Variants in ENTREP2 observed in about 807,000 individuals in gnomAD.
ENTREP2 encodes endosomal transmembrane epsin interactor 2, also known as protein ENTREP2.
the ENTREP2 span, among the ~76,000 whole-genome samples, chr15:29,482,442 A>T: frequency 6.6e-6 from 1 of 152,162 alleles, no homozygotes; most frequent in Non-Finnish European, 1.5e-5. Flanking sequence ...ACGTGTATCC[A>T]CCATTGTAGT....
the ENTREP2 span, among the ~76,000 whole-genome samples, chr15:29,370,882 A>G: frequency 3.3e-5 from 5 of 152,168 alleles, no homozygotes; most frequent in Non-Finnish European, 4.4e-5. Context: ...ATCATGGAAG[A>G]GTGTCTGGAA....
the ENTREP2 span, among the ~76,000 whole-genome samples, chr15:29,647,899 A>C: frequency 0.045 from 6,897 of 152,274 alleles, 185 homozygotes; most frequent in South Asian, 0.065. Flanking sequence ...CACTCTACCC[A>C]AAAATTGGAC....
At chr15:29,629,915 G>A in the ENTREP2 span, among the ~76,000 whole-genome samples, 4 of 152,052 alleles carry the variant, frequency 2.6e-5, no homozygotes, top group East Asian at 1.9e-4. Flanking sequence ...CCAGGAATTC[G>A]AGACCAGCCT....
chr15:29,488,559 C>G, the ENTREP2 span, among the ~76,000 whole-genome samples: 2 of 152,176 alleles, frequency 1.3e-5, no homozygotes, highest in African/African-American at 2.4e-5. Flanking sequence ...TCTACACACA[C>G]AAGAAGTTCA....
chr15:29,400,511 C>G, the ENTREP2 span, among the ~76,000 whole-genome samples: 2 of 152,098 alleles, frequency 1.3e-5, no homozygotes, highest in Non-Finnish European at 2.9e-5. Flanking sequence ...AAAAGAAAAT[C>G]TACGCAATAA....
chr15:29,224,370 C>T, the ENTREP2 span, among the ~76,000 whole-genome samples: 1 of 152,126 alleles, frequency 6.6e-6, no homozygotes, highest in African/African-American at 2.4e-5. Context: ...AACAAAGCTT[C>T]CACACTTGTG....
chr15:29,584,443 A>ATGTG, the ENTREP2 span, among the ~76,000 whole-genome samples: 1,461 of 138,798 alleles, frequency 0.011, 18 homozygotes, highest in African/African-American at 0.027. Flanking sequence ...GTGTGTGTGC[A>ATGTG]TGTGTGTGTG....
the ENTREP2 span, among the ~76,000 whole-genome samples, chr15:29,433,994 ATTTG>A: frequency 1.3e-5 from 2 of 152,004 alleles, no homozygotes; most frequent in African/African-American, 2.4e-5. Context: ...TACATTGTCA[ATTTG>A]TTTGTCTGTC....
chr15:29,301,183 G>C, the ENTREP2 span, among the ~76,000 whole-genome samples: 1 of 152,046 alleles, frequency 6.6e-6, no homozygotes, highest in Non-Finnish European at 1.5e-5. Flanking sequence ...ATTTAAAACA[G>C]TTTTTCTTTA....
chr15:29,257,908 G>A, the ENTREP2 span, among the ~76,000 whole-genome samples: 1 of 152,186 alleles, frequency 6.6e-6, no homozygotes, highest in Non-Finnish European at 1.5e-5. Flanking sequence ...GGAAAGTTAG[G>A]TCACATAGAA....
the ENTREP2 span, among the ~76,000 whole-genome samples, chr15:29,237,510 G>A: frequency 1.3e-5 from 2 of 152,154 alleles, no homozygotes; most frequent in Non-Finnish European, 2.9e-5. Context: ...AAGGGATGAG[G>A]TTTAGGTTGA....
At chr15:29,653,841 C>G in the ENTREP2 span, among the ~76,000 whole-genome samples, 1 of 151,554 alleles carries the variant, frequency 6.6e-6, no homozygotes, top group Non-Finnish European at 1.5e-5. Flanking sequence ...AGAGAGCTTA[C>G]GCTTACCAGG....
chr15:29,385,135 C>A, the ENTREP2 span, among the ~76,000 whole-genome samples: 8 of 152,162 alleles, frequency 5.3e-5, no homozygotes, highest in African/African-American at 1.9e-4. Flanking sequence ...AACGCCTTGA[C>A]CTCTTCTCAG....
the ENTREP2 span, among the ~76,000 whole-genome samples, chr15:29,546,544 C>T: frequency 2.2e-4 from 33 of 152,040 alleles, no homozygotes; most frequent in Non-Finnish European, 3.7e-4. Context: ...GTGAAAATAA[C>T]GAGAATGTGT....
chr15:29,317,474 C>A, the ENTREP2 span, among the ~76,000 whole-genome samples: 298 of 152,184 alleles, frequency 2.0e-3, 1 homozygote, highest in African/African-American at 6.5e-3. Context: ...GACCTCAAAG[C>A]ATTAAAGAAC....
chr15:29,354,886 T>C, the ENTREP2 span, among the ~76,000 whole-genome samples: 2 of 152,232 alleles, frequency 1.3e-5, no homozygotes, highest in Admixed American at 6.5e-5. Flanking sequence ...CTCATTTTGC[T>C]AGATTTTTCT....
At chr15:29,490,894 T>C in the ENTREP2 span, among the ~76,000 whole-genome samples, 1 of 152,194 alleles carries the variant, frequency 6.6e-6, no homozygotes. Context: ...CTTGGGGGTC[T>C]ATGGGACTGG....
chr15:29,551,693 T>C, the ENTREP2 span, among the ~76,000 whole-genome samples: 4 of 144,198 alleles, frequency 2.8e-5, no homozygotes, highest in Non-Finnish European at 6.1e-5. Flanking sequence ...AATGCCTATT[T>C]AAAAAAAAAA....
chr15:29,465,944 A>G, the ENTREP2 span, among the ~76,000 whole-genome samples: 3 of 152,204 alleles, frequency 2.0e-5, no homozygotes, highest in Non-Finnish European at 4.4e-5. Context: ...GCATTGCTGA[A>G]GCTAGATTGG....
Sources: allele counts gnomAD v4.1 joint callset (sites outside exome capture counted in the v4.1 genomes callset), GRCh38; gene constraint gnomAD v4.1.1; transcripts MANE v1.5; gene names NCBI Gene and HGNC (gene_info 2026-07-23, HGNC 2026-07-21).